Variants in ATP9B observed in about 807,000 individuals in gnomAD.
The protein encoded by ATP9B is ATPase phospholipid transporting 9B.
ATP9B carries 110 observed loss-of-function variants against 146.1 expected under a neutral mutation model. That is an observed-to-expected ratio of 0.75 (90% CI 0.65 to 0.88). The LOEUF (loss-of-function observed/expected upper bound fraction) is 0.88, where lower values mean the gene tolerates loss of function less well. ATP9B is among the 40% of genes least tolerant of loss of function. ATP9B has a pLI of 0.00. For missense variants in ATP9B, 1,499 were observed against 1,496.4 expected, an observed-to-expected ratio of 1.00 and a Z score of -0.03; for synonymous variants, 604 against 569.7, an observed-to-expected ratio of 1.06 and a Z score of -0.86.
intron 9 of ATP9B, among the ~76,000 whole-genome samples, chr18:79,200,955 A>G (rs1004982770): frequency 6.6e-6 from 1 of 152,174 alleles, no homozygotes; most frequent in Non-Finnish European, 1.5e-5. Flanking sequence ...CTCAGGTGCA[A>G]GTGCCAAGTG....
At position 79,193,594 on chromosome 18, in the gene ATP9B, T is replaced by C. The variant is rs1032371370; in HGVS notation, c.954+331T>C. The stretch of plus-strand genomic sequence containing the variant: ...CTTATCCACATCATGTCTAGCTTTT[T>C]ACTGTCTGAGTTGGGTGGGTATTTA... On this transcript the variant is annotated intron_variant, in intron 9 of 29. Coordinates refer to ENST00000426216, the MANE Select transcript of ATP9B (RefSeq NM_198531.5). Among the ~76,000 whole-genome samples the C allele has an allele frequency of 2.6e-5, 4 of 152,350 alleles. No individual in the cohort carries two copies. In the East Asian group the frequency reaches 7.7e-4, roughly 29 times the overall value.
intron 11 of ATP9B, among the ~76,000 whole-genome samples, chr18:79,238,789 G>C (rs1320551696): frequency 2.6e-5 from 4 of 152,188 alleles, no homozygotes; most frequent in Admixed American, 2.6e-4. Flanking sequence ...GGTGATCATG[G>C]AGGAACCGCT....
chr18:79,173,784 T>C (rs1038256425), intron 7 of ATP9B: 35 of 455,510 alleles, frequency 7.7e-5, no homozygotes, highest in South Asian at 3.1e-4. Context: ...TCTTCCTTTT[T>C]CCCCCACATT....
intron 25 of ATP9B, among the ~76,000 whole-genome samples, chr18:79,350,196 C>T (rs993215149): frequency 1.3e-5 from 2 of 152,324 alleles, no homozygotes; most frequent in South Asian, 2.1e-4. Context: ...ATGTTAGCAC[C>T]GTTCCTCCCA....
At chr18:79,139,211 A>C (rs567687484) in intron 5 of ATP9B, among the ~76,000 whole-genome samples, 39 of 152,198 alleles carry the variant, frequency 2.6e-4, no homozygotes, top group Non-Finnish European at 4.4e-4. Flanking sequence ...CATTTTAACT[A>C]CTTAGGACAT....
Position 79,375,983 on chromosome 18 carries a change from C to T in ATP9B, c.3307+557C>T, listed in dbSNP as rs570010036. 29 of 985,314 alleles carry T rather than the reference C, an allele frequency of 2.9e-5. No individual in the cohort carries two copies. The South Asian group carries it at 1.3e-3, about 43-fold the overall frequency. 61.0% of individuals were successfully genotyped at this position (985,314 alleles called of 1,614,324 possible). A position where few individuals can be genotyped will look rare whatever the true frequency, so the allele number is the denominator to read the frequency against. On this transcript the variant is annotated intron_variant, in intron 29 of 29. Transcript: ENST00000426216. ...TTCAAGTAGCTAGTCATTAGCAGTA[C>T]AGCTTGGTCCTGGTGAGTAGATGGT...
intron 12 of ATP9B, among the ~76,000 whole-genome samples, chr18:79,271,458 A>G (rs1390928945): frequency 6.9e-6 from 1 of 144,920 alleles, no homozygotes; most frequent in African/African-American, 2.6e-5. Flanking sequence ...CTCATTGTTC[A>G]GTTCCCACCT....
At chr18:79,075,578 A>G (rs920201745) in intron 1 of ATP9B, among the ~76,000 whole-genome samples, 3 of 152,006 alleles carry the variant, frequency 2.0e-5, no homozygotes, top group African/African-American at 2.4e-5. Flanking sequence ...GTCTCTGGTA[A>G]TTTTTCTGCT....
chr18:79,318,664 A>G (rs1052973387), intron 15 of ATP9B, among the ~76,000 whole-genome samples: 3 of 152,260 alleles, frequency 2.0e-5, no homozygotes, highest in Non-Finnish European at 4.4e-5. Flanking sequence ...CTCAGATTTT[A>G]TTGACAACTT....
chr18:79,267,080 G>C (rs539271700), intron 12 of ATP9B, among the ~76,000 whole-genome samples: 1 of 151,972 alleles, frequency 6.6e-6, no homozygotes, highest in South Asian at 2.1e-4. Flanking sequence ...TTTTACTGTG[G>C]AACATTTTTG....
At chr18:79,148,497 C>T (rs2094628592) in intron 6 of ATP9B, among the ~76,000 whole-genome samples, 1 of 152,180 alleles carries the variant, frequency 6.6e-6, no homozygotes, top group Admixed American at 6.5e-5. Context: ...AAAGAAAAAT[C>T]ACACAATCAG....
chr18:79,247,683 A>G (rs537622395), intron 11 of ATP9B, among the ~76,000 whole-genome samples: 24 of 152,292 alleles, frequency 1.6e-4, no homozygotes, highest in South Asian at 4.1e-4. Context: ...ATTACGTGTC[A>G]TATGTTGGTT....
chr18:79,115,576 T>G, intron 4 of ATP9B: 1 of 124,482 alleles, frequency 8.0e-6, no homozygotes, highest in South Asian at 2.6e-4. Flanking sequence ...AACAGAGATA[T>G]AGATCAATGG....
Position 79,110,500 on chromosome 18 carries a change from C to A in ATP9B, c.439C>A (p.Pro147Thr). The change falls in exon 3 of 30, where the codon CCT (proline) becomes ACT (threonine). Residue 147 changes from proline to threonine, a missense_variant. By Grantham distance (38) the Pro-to-Thr change is conservative. Transcript: ENST00000426216. ...NQKYNVFTFI[P>T]GVLYEQFKFF... ...AAAATACAATGTGTTTACCTTTATA[C>A]CTGGGGTAAGACTATTGCATTCTTG... 6.2e-7 allele frequency: 1 copy of A among 1,608,520 alleles called. No homozygotes were observed. The highest frequency in any genetic ancestry group is 8.5e-7 in the Non-Finnish European group (1 of 1,177,576).
At chr18:79,118,397 T>G (rs1046495871) in intron 4 of ATP9B, among the ~76,000 whole-genome samples, 1,726 of 123,828 alleles carry the variant, frequency 0.014, 79 homozygotes, top group African/African-American at 0.045. Flanking sequence ...TTTGTTTTTT[T>G]TTTTTTTTTT....
intron 7 of ATP9B, among the ~76,000 whole-genome samples, chr18:79,171,878 G>GTTTTTTTTTT (rs144146479): frequency 6.8e-6 from 1 of 146,630 alleles, no homozygotes; most frequent in Non-Finnish European, 1.5e-5. Flanking sequence ...TCGGAGACTC[G>GTTTTTTTTTT]TTTTTTTTTG....
intron 13 of ATP9B, among the ~76,000 whole-genome samples, chr18:79,297,460 G>A (rs1179512620): frequency 2.6e-5 from 4 of 152,166 alleles, no homozygotes; most frequent in African/African-American, 7.2e-5. Flanking sequence ...CGTTCTCATC[G>A]CGTTATGAGG....
intron 15 of ATP9B, among the ~76,000 whole-genome samples, chr18:79,327,705 TC>T (rs2096762575): frequency 4.6e-5 from 5 of 107,624 alleles, no homozygotes; most frequent in African/African-American, 2.0e-4. Context: ...GTTAGTGTGC[TC>T]TCTCCATGGT....
chr18:79,304,245 T>C (rs936282868), intron 14 of ATP9B, among the ~76,000 whole-genome samples: 4 of 152,118 alleles, frequency 2.6e-5, no homozygotes, highest in African/African-American at 7.2e-5. Context: ...AGCTCAAATA[T>C]CACATTCTTT....
Sources: gnomAD v4.1 joint callset for allele counts (sites outside exome capture counted in the v4.1 genomes callset) on GRCh38, gnomAD v4.1.1 for gene constraint, MANE v1.5 for transcripts, NCBI Gene and HGNC (gene_info 2026-07-23, HGNC 2026-07-21) for gene names.